ZBBX: variants seen among roughly 807,000 people sequenced by gnomAD.
The protein encoded by ZBBX is zinc finger B-box domain containing.
A neutral mutation model predicts 108.5 loss-of-function variants in ZBBX; 101 were observed. The observed-to-expected ratio is 0.93, with a 90% CI of 0.79 to 1.10. The LOEUF (loss-of-function observed/expected upper bound fraction) is 1.10. Among genes scored for constraint, ZBBX ranks in the 50% least tolerant of loss-of-function variants. The pLI, the probability that ZBBX is intolerant of heterozygous loss-of-function variation, is 0.00. For missense variants in ZBBX, 1,009 were observed against 941.4 expected, an observed-to-expected ratio of 1.07 and a Z score of -0.94; for synonymous variants, 356 against 323.4, an observed-to-expected ratio of 1.10 and a Z score of -1.08.
intron 20 of ZBBX, among the ~76,000 whole-genome samples, chr3:167,245,829 T>TA (rs1019049116): frequency 4.9e-4 from 75 of 151,868 alleles, no homozygotes; most frequent in Non-Finnish European, 9.0e-4. Context: ...CTTTTTTTTT[T>TA]ATAAGTTGTA....
At chr3:167,364,130 G>A (rs1371287560) in intron 6 of ZBBX, among the ~76,000 whole-genome samples, 1 of 151,524 alleles carries the variant, frequency 6.6e-6, no homozygotes, top group African/African-American at 2.4e-5. Flanking sequence ...GGATTGTCAA[G>A]TGCATTGTAG....
At chr3:167,356,775 A>G (rs1161151974) in intron 8 of ZBBX, among the ~76,000 whole-genome samples, 1 of 152,180 alleles carries the variant, frequency 6.6e-6, no homozygotes, top group African/African-American at 2.4e-5. Flanking sequence ...TGAAGTTTAC[A>G]TTGCAGATAA....
At chr3:167,267,505 G>A (rs35172607) in intron 20 of ZBBX, among the ~76,000 whole-genome samples, 10,641 of 152,176 alleles carry the variant, frequency 0.07, 466 homozygotes, top group Non-Finnish European at 0.099. Context: ...AGTCCCCTAG[G>A]TCTCATGTTA....
chr3:167,300,692 C>G (rs1488440096), intron 17 of ZBBX, among the ~76,000 whole-genome samples: 1 of 151,372 alleles, frequency 6.6e-6, no homozygotes, highest in African/African-American at 2.4e-5. Context: ...TCACTATAAC[C>G]TCCGCCTCCC....
intron 9 of ZBBX, among the ~76,000 whole-genome samples, chr3:167,335,530 T>C (rs1739408684): frequency 1.3e-5 from 2 of 151,928 alleles, no homozygotes; most frequent in African/African-American, 4.8e-5. Flanking sequence ...GAAGTAGCTC[T>C]TATTTCTTAG....
At chr3:167,220,320 G>A in the ZBBX span, among the ~76,000 whole-genome samples, 2,055 of 151,950 alleles carry the variant, frequency 0.014, 50 homozygotes, top group African/African-American at 0.047. Context: ...GATGAACATC[G>A]ATGCAAAAAT....
At chr3:167,367,195 C>G (rs541263474) in intron 5 of ZBBX, among the ~76,000 whole-genome samples, 1 of 151,840 alleles carries the variant, frequency 6.6e-6, no homozygotes, top group Non-Finnish European at 1.5e-5. Context: ...AACATGCACT[C>G]TCATACACTG....
At chr3:167,226,365 G>A in the ZBBX span, among the ~76,000 whole-genome samples, 4 of 151,542 alleles carry the variant, frequency 2.6e-5, no homozygotes, top group African/African-American at 7.3e-5. Flanking sequence ...CTAGACTCTC[G>A]GAAACAAATG....
At chr3:167,289,184 G>A (rs1365865261) in intron 18 of ZBBX, among the ~76,000 whole-genome samples, 1 of 151,770 alleles carries the variant, frequency 6.6e-6, no homozygotes, top group Non-Finnish European at 1.5e-5. Flanking sequence ...AATTTAAAAA[G>A]TATATAACAA....
chr3:167,312,512 G>T lies in ZBBX; in HGVS notation c.1417+1462C>A, dbSNP rs1363203638. On this transcript the variant is annotated intron_variant, in intron 16 of 21. Transcript: ENST00000675490. The stretch of plus-strand genomic sequence containing the variant: ...AGTCTGGTTGCAGAAGCTGATAATG[G>T]GGGAGGCTATGTATGTGTATAGAGC... Among the ~76,000 whole-genome samples the T allele has an allele frequency of 2.0e-5, 3 of 152,224 alleles. No homozygotes were observed. The East Asian group carries it at 5.8e-4, about 29-fold the overall frequency.
intron 16 of ZBBX, 59 bp downstream of exon 16, chr3:167,313,915 G>T: frequency 7.0e-7 from 1 of 1,422,474 alleles, no homozygotes; most frequent in Non-Finnish European, 9.3e-7. Context: ...TTTATAGACT[G>T]CAATAGTAAA....
chr3:167,359,289 G>C (rs1431493415), intron 8 of ZBBX, among the ~76,000 whole-genome samples: 5 of 152,100 alleles, frequency 3.3e-5, no homozygotes, highest in Admixed American at 3.3e-4. Context: ...CTTGGTGTTG[G>C]GGACTGATTG....
chr3:167,384,857 C>G (rs1747858513), upstream of ZBBX, among the ~76,000 whole-genome samples: 1 of 151,988 alleles, frequency 6.6e-6, no homozygotes, highest in Non-Finnish European at 1.5e-5. Flanking sequence ...CAAGCATGCA[C>G]TACATCAGCT....
the ZBBX span, among the ~76,000 whole-genome samples, chr3:167,228,951 C>T: frequency 6.6e-6 from 1 of 151,698 alleles, no homozygotes; most frequent in Non-Finnish European, 1.5e-5. Flanking sequence ...ATCTAATGTA[C>T]AACTTGAAAA....
chr3:167,241,521 A>G (rs1163030136), intron 21 of ZBBX, among the ~76,000 whole-genome samples: 1 of 152,182 alleles, frequency 6.6e-6, no homozygotes, highest in African/African-American at 2.4e-5. Flanking sequence ...GTTTGTTTTT[A>G]ATGATTTATC....
chr3:167,385,891 A>G (rs1747908520), intron 1 of ZBBX, among the ~76,000 whole-genome samples: 1 of 152,042 alleles, frequency 6.6e-6, no homozygotes, highest in South Asian at 2.1e-4. Flanking sequence ...GTTCCACCCA[A>G]GGATTGATAA....
chr3:167,186,883 G>C, the ZBBX span, among the ~76,000 whole-genome samples: 1 of 152,076 alleles, frequency 6.6e-6, no homozygotes, highest in African/African-American at 2.4e-5. Context: ...TTTGTTGCAG[G>C]TATTAAAATG....
chr3:167,259,008 C>A, intron 20 of ZBBX, among the ~76,000 whole-genome samples: 1 of 152,112 alleles, frequency 6.6e-6, no homozygotes, highest in East Asian at 1.9e-4. Flanking sequence ...GAGAGGGTTG[C>A]TTCTTTCTCT....
the ZBBX span, among the ~76,000 whole-genome samples, chr3:167,212,719 G>T: frequency 6.6e-6 from 1 of 152,154 alleles, no homozygotes; most frequent in Non-Finnish European, 1.5e-5. Context: ...TTCTAGAGCT[G>T]CAGTGGGCAA....
Sources: allele counts gnomAD v4.1 joint callset (sites outside exome capture counted in the v4.1 genomes callset), GRCh38; gene constraint gnomAD v4.1.1; transcripts MANE v1.5; gene names NCBI Gene and HGNC (gene_info 2026-07-23, HGNC 2026-07-21).